The following GRIN3A variants were observed in gnomAD, a reference collection of about 807,000 sequenced individuals.
The protein encoded by GRIN3A is glutamate receptor ionotropic, NMDA 3A.
GRIN3A carries 47 observed loss-of-function variants against 92.4 expected under a neutral mutation model. The observed-to-expected ratio is 0.51, with a 90% CI of 0.40 to 0.65. The LOEUF (loss-of-function observed/expected upper bound fraction) is 0.65, where lower values mean the gene tolerates loss of function less well. Among genes scored for constraint, GRIN3A ranks in the 30% least tolerant of loss-of-function variants. The pLI is 0.00. For synonymous variants in GRIN3A, 527 were observed against 540.6 expected, an observed-to-expected ratio of 0.97 and a Z score of 0.35; for missense variants, 1,324 against 1,393.1, an observed-to-expected ratio of 0.95 and a Z score of 0.79.
chr9:101,685,746 TTA>T (rs147946087), intron 2 of GRIN3A, among the ~76,000 whole-genome samples: 1 of 150,666 alleles, frequency 6.6e-6, no homozygotes, highest in Non-Finnish European at 1.5e-5. Flanking sequence ...AAATAATATT[TTA>T]TATATATATA....
At chr9:101,688,748 G>A (rs998273565) in intron 1 of GRIN3A, among the ~76,000 whole-genome samples, 2 of 152,056 alleles carry the variant, frequency 1.3e-5, no homozygotes, top group Admixed American at 1.3e-4. Flanking sequence ...GTGAAACCCC[G>A]TCTCTACTAA....
chr9:101,609,885 GAT>G (rs1196517107), intron 6 of GRIN3A, among the ~76,000 whole-genome samples: 1 of 152,176 alleles, frequency 6.6e-6, no homozygotes, highest in Non-Finnish European at 1.5e-5. Flanking sequence ...TTTTTGTAAA[GAT>G]AGAGTCACAC....
chr9:101,651,518 A>T (rs1485904748), intron 3 of GRIN3A, among the ~76,000 whole-genome samples: 1 of 151,922 alleles, frequency 6.6e-6, no homozygotes, highest in Non-Finnish European at 1.5e-5. Context: ...TAATTTGATT[A>T]CATATTTTCT....
At position 101,671,920 on chromosome 9, in the gene GRIN3A, A is replaced by C. The variant is rs537253639; in HGVS notation, c.1305-813T>G. 1.7e-4 allele frequency among the ~76,000 whole-genome samples: 26 copies of C among 152,318 alleles called. No homozygotes were observed. In the South Asian group the frequency reaches 5.4e-3, roughly 32 times the overall value. ...GATTCCTAACCCTGTGAACTAGGGC[A>C]CTTACAGTATATGTTCTGATATGGA... On this transcript the variant is annotated intron_variant, in intron 2 of 8. Transcript: ENST00000361820.
In GRIN3A at chr9:101,686,953, TC is replaced by T; in HGVS notation, c.946del (p.Glu316ArgfsTer11). ...DLLSFLQIQL[E>X]SIKNSTPTVV... ...TGTGGGTGTGCTGTTCTTAATACTCTCAAGCTGGATCTGTAGGAAGCTCAAG... is the reference window on the plus strand; with the variant it reads ...TGTGGGTGTGCTGTTCTTAATACTCTAAGCTGGATCTGTAGGAAGCTCAAG... On this transcript the variant is annotated frameshift_variant, in exon 2 of 9. Transcript: ENST00000361820. LOFTEE classifies it high-confidence loss of function. The T allele has an allele frequency of 6.2e-7, 1 of 1,614,162 alleles. No homozygotes were observed. The highest frequency in any genetic ancestry group is 8.5e-7 in the Non-Finnish European group (1 of 1,180,034).
Position 101,671,029 on chromosome 9 carries a change from G to A in GRIN3A, c.1383C>T (p.Asn461=), listed in dbSNP as rs1829312434. 2 of 1,613,802 alleles carry A rather than the reference G, an allele frequency of 1.2e-6. No individual in the cohort carries two copies. Among genetic ancestry groups the A allele is most frequent in the Admixed American group, 1.7e-5 (1 of 59,984 alleles). The change falls in exon 3 of 9, where the codon AAC becomes AAT. Residue 461 remains asparagine (N), a synonymous_variant. Coordinates refer to ENST00000361820, the MANE Select transcript of GRIN3A (RefSeq NM_133445.3). The part of the protein sequence containing the change: ...VKGSTIVSSE[N]NFFIWNLQHD... ...GTTGAAGATTCCAGATGAAAAAGTT[G>A]TTTTCTGAGCTGACGATGGTGGAAC... is the stretch of plus-strand genomic sequence containing the variant.
chr9:101,713,932 A>G (rs1829912062), intron 1 of GRIN3A, among the ~76,000 whole-genome samples: 1 of 152,108 alleles, frequency 6.6e-6, no homozygotes, highest in African/African-American at 2.4e-5. Context: ...AATAAAAAGT[A>G]AAAACAAAAA....
intron 6 of GRIN3A, chr9:101,594,835 C>T: frequency 1.2e-6 from 2 of 1,609,302 alleles, no homozygotes; most frequent in Non-Finnish European, 1.7e-6. Context: ...CCAAGTCCAA[C>T]TTCTTAAACC....
chr9:101,684,561 T>C (rs1829506663), intron 2 of GRIN3A, among the ~76,000 whole-genome samples: 1 of 152,130 alleles, frequency 6.6e-6, no homozygotes, highest in Non-Finnish European at 1.5e-5. Flanking sequence ...ATGGGCCAAG[T>C]ACCACTATGT....
intron 1 of GRIN3A, among the ~76,000 whole-genome samples, chr9:101,710,973 ATAAC>A (rs765814397): frequency 5.3e-5 from 8 of 152,356 alleles, no homozygotes; most frequent in Non-Finnish European, 5.9e-5. Flanking sequence ...ATTAATAACA[ATAAC>A]TAATAACAAA....
chr9:101,723,849 T>C, intron 1 of GRIN3A, among the ~76,000 whole-genome samples: 1 of 146,126 alleles, frequency 6.8e-6, no homozygotes, highest in South Asian at 2.2e-4. Context: ...AGATACAGAG[T>C]GCCGATTGGT....
At position 101,705,579 on chromosome 9, in the gene GRIN3A, C is replaced by T. The variant is rs566624951; in HGVS notation, c.700-18379G>A. On this transcript the variant is annotated intron_variant, in intron 1 of 8. Coordinates refer to ENST00000361820, the MANE Select transcript of GRIN3A (RefSeq NM_133445.3). ...GGCTAAAGGAGCACACTGTAACACA[C>T]GCTCACTTGGGTTCCGGCACCTGTT... is the stretch of plus-strand genomic sequence containing the variant. Among the ~76,000 whole-genome samples, 35 of 152,286 alleles carry T rather than the reference C, an allele frequency of 2.3e-4. No homozygotes were observed. In the South Asian group the frequency reaches 7.2e-3, roughly 32 times the overall value.
At chr9:101,619,273 A>G (rs763706476) in intron 5 of GRIN3A, among the ~76,000 whole-genome samples, 3 of 152,174 alleles carry the variant, frequency 2.0e-5, no homozygotes, top group Non-Finnish European at 4.4e-5. Context: ...ACTCTGGGAT[A>G]ATGGTTGAGA....
intron 5 of GRIN3A, among the ~76,000 whole-genome samples, chr9:101,614,725 TCCTC>T (rs1416908412): frequency 6.9e-6 from 1 of 144,430 alleles, no homozygotes; most frequent in East Asian, 2.1e-4. Context: ...GCTCAAGTGA[TCCTC>T]CCGGCTCAGC....
chr9:101,627,574 C>T (rs953687376), intron 4 of GRIN3A, among the ~76,000 whole-genome samples: 4 of 152,072 alleles, frequency 2.6e-5, no homozygotes, highest in African/African-American at 9.7e-5. Flanking sequence ...ACTACTCACC[C>T]TCATGTCTTC....
At chr9:101,610,060 C>T (rs1588246827) in intron 6 of GRIN3A, among the ~76,000 whole-genome samples, 2 of 152,206 alleles carry the variant, frequency 1.3e-5, no homozygotes, top group East Asian at 3.9e-4. Context: ...ATGGTCACAA[C>T]AAATGATAGA....
intron 5 of GRIN3A, among the ~76,000 whole-genome samples, chr9:101,616,893 A>G (rs1293528700): frequency 3.3e-5 from 5 of 149,802 alleles, no homozygotes; most frequent in African/African-American, 1.2e-4. Context: ...AAGTATAAAA[A>G]AAAAAAAAAA....
At chr9:101,649,418 C>A (rs1390018758) in intron 3 of GRIN3A, among the ~76,000 whole-genome samples, 1 of 151,982 alleles carries the variant, frequency 6.6e-6, no homozygotes, top group Non-Finnish European at 1.5e-5. Context: ...CCAGGTGGTT[C>A]AGCCATATTA....
At chr9:101,580,634 G>A (rs560284187) in intron 6 of GRIN3A, among the ~76,000 whole-genome samples, 55 of 152,220 alleles carry the variant, frequency 3.6e-4, no homozygotes, top group African/African-American at 1.3e-3. Context: ...GTAGTAAACC[G>A]AGCCAAGCCA....
Sources: gnomAD v4.1 joint callset for allele counts (sites outside exome capture counted in the v4.1 genomes callset) on GRCh38, gnomAD v4.1.1 for gene constraint, MANE v1.5 for transcripts, NCBI Gene and HGNC (gene_info 2026-07-23, HGNC 2026-07-21) for gene names.